Variants in DCC observed in about 807,000 individuals in gnomAD.
DCC encodes netrin receptor DCC.
In DCC, 58 loss-of-function variants were observed where a neutral mutation model predicts 172.5. The observed-to-expected ratio is 0.34, with a 90% CI of 0.27 to 0.42. DCC has a LOEUF of 0.42. Ranked by LOEUF, DCC falls within the 10% of genes least tolerant of loss-of-function variation. The pLI, the probability that DCC is intolerant of heterozygous loss-of-function variation, is 1.00. For synonymous variants in DCC, 709 were observed against 644.5 expected (o/e 1.10, Z -1.52); for missense variants, 1,740 against 1,791.0 (o/e 0.97, Z 0.51).
intron 1 of DCC, among the ~76,000 whole-genome samples, chr18:52,544,359 G>A (rs1195634855): frequency 6.6e-6 from 1 of 152,116 alleles, no homozygotes. Flanking sequence ...CACCAGCCAA[G>A]GAACAAGATG....
intron 8 of DCC, among the ~76,000 whole-genome samples, chr18:53,174,728 G>A (rs1286575006): frequency 1.2e-4 from 17 of 147,230 alleles, no homozygotes; most frequent in African/African-American, 4.0e-4. Flanking sequence ...TGGATTCACA[G>A]CCGAATTCTA....
intron 1 of DCC, among the ~76,000 whole-genome samples, chr18:52,540,853 G>T (rs938733657): frequency 2.0e-5 from 3 of 151,930 alleles, no homozygotes; most frequent in African/African-American, 7.3e-5. Context: ...TGATCCGCCC[G>T]CCTCGGCCTC....
At chr18:53,303,004 G>A (rs934967069) in intron 12 of DCC, among the ~76,000 whole-genome samples, 1 of 152,086 alleles carries the variant, frequency 6.6e-6, no homozygotes, top group Non-Finnish European at 1.5e-5. Context: ...AGAGTCTCAA[G>A]TATTCCAGTT....
chr18:53,155,891 G>T (rs2054724860), intron 7 of DCC, among the ~76,000 whole-genome samples: 1 of 152,198 alleles, frequency 6.6e-6, no homozygotes, highest in African/African-American at 2.4e-5. Context: ...GCCGGGTGTG[G>T]TGGTGTGTGC....
At chr18:52,946,829 G>A (rs1167041674) in intron 5 of DCC, among the ~76,000 whole-genome samples, 1 of 152,086 alleles carries the variant, frequency 6.6e-6, no homozygotes, top group East Asian at 1.9e-4. Context: ...CCAAAATTAG[G>A]GTAAGGCAGG....
chr18:53,024,757 G>A (rs575630010), intron 5 of DCC, among the ~76,000 whole-genome samples: 3 of 152,196 alleles, frequency 2.0e-5, no homozygotes, highest in African/African-American at 7.2e-5. Flanking sequence ...GTAAGTATTA[G>A]CAAATGTTAA....
chr18:52,863,466 G>A (rs900365265), intron 2 of DCC, among the ~76,000 whole-genome samples: 2 of 151,656 alleles, frequency 1.3e-5, no homozygotes, highest in African/African-American at 4.8e-5. Flanking sequence ...ATATTTACTA[G>A]CAGACCTACA....
intron 1 of DCC, among the ~76,000 whole-genome samples, chr18:52,423,464 G>A (rs1478685302): frequency 6.6e-6 from 1 of 151,880 alleles, no homozygotes; most frequent in Non-Finnish European, 1.5e-5. Flanking sequence ...TCAGCTCAAG[G>A]CCTCTTGACT....
chr18:53,475,533 T>C (rs2045751813), intron 25 of DCC, among the ~76,000 whole-genome samples: 2 of 152,208 alleles, frequency 1.3e-5, no homozygotes, highest in Admixed American at 6.5e-5. Context: ...TCAGAGGGTG[T>C]AACCCTCAAG....
intron 5 of DCC, among the ~76,000 whole-genome samples, chr18:52,969,408 G>A (rs72926178): frequency 0.036 from 5,433 of 152,122 alleles, 138 homozygotes; most frequent in African/African-American, 0.056. Context: ...CCTGGGTAAC[G>A]TCTCAGTGTC....
chr18:53,377,690 G>T (rs1907410062), intron 15 of DCC, among the ~76,000 whole-genome samples: 1 of 152,338 alleles, frequency 6.6e-6, no homozygotes, highest in East Asian at 1.9e-4. Context: ...AGAAATAAAT[G>T]AAGTAAGGGA....
At chr18:53,063,959 A>G (rs1252226738) in intron 6 of DCC, among the ~76,000 whole-genome samples, 1 of 152,140 alleles carries the variant, frequency 6.6e-6, no homozygotes, top group East Asian at 1.9e-4. Flanking sequence ...CCATTGAGAA[A>G]GGCAGTGGTG....
intron 1 of DCC, among the ~76,000 whole-genome samples, chr18:52,605,776 G>T (rs773121845): frequency 3.3e-5 from 5 of 152,030 alleles, no homozygotes; most frequent in South Asian, 2.1e-4. Context: ...TATTACCTGA[G>T]TAAGGGCATT....
intron 7 of DCC, among the ~76,000 whole-genome samples, chr18:53,127,569 GT>G (rs2043582985): frequency 6.6e-6 from 1 of 152,028 alleles, no homozygotes; most frequent in Non-Finnish European, 1.5e-5. Context: ...AGGATTTTTG[GT>G]TTTATAATTT....
chr18:53,369,874 G>A (rs998241493), intron 15 of DCC, among the ~76,000 whole-genome samples: 3 of 151,684 alleles, frequency 2.0e-5, no homozygotes, highest in South Asian at 2.1e-4. Context: ...ATTTTATTGT[G>A]GATTTTGGCA....
Position 53,478,679 on chromosome 18 carries a change from T to C in DCC, c.3737-8118T>C, listed in dbSNP as rs146623529. Among the ~76,000 whole-genome samples, 589 of 152,336 alleles carry C rather than the reference T, an allele frequency of 3.9e-3. 1 individual carries two copies. The highest frequency in any genetic ancestry group is 0.01 in the Middle Eastern group (3 of 294). ...TGCCATGGTAATGGCTACTGGTTTC[T>C]GGGCTTTCTAGAACATTCACTATGA... On this transcript the variant is annotated intron_variant, in intron 25 of 28. Coordinates refer to ENST00000442544, the MANE Select transcript of DCC (RefSeq NM_005215.4).
intron 7 of DCC, among the ~76,000 whole-genome samples, chr18:53,096,706 G>T (rs9947905): frequency 6.6e-6 from 1 of 151,896 alleles, no homozygotes; most frequent in Non-Finnish European, 1.5e-5. Context: ...ACTAGATACC[G>T]CTAGGGAGAG....
At chr18:52,397,764 A>G (rs1986285891) in intron 1 of DCC, among the ~76,000 whole-genome samples, 1 of 151,782 alleles carries the variant, frequency 6.6e-6, no homozygotes, top group African/African-American at 2.4e-5. Flanking sequence ...TGACTCTGTG[A>G]CTCTACCTTT....
intron 7 of DCC, among the ~76,000 whole-genome samples, chr18:53,078,441 C>T (rs1438107941): frequency 1.3e-5 from 2 of 152,050 alleles, no homozygotes; most frequent in African/African-American, 2.4e-5. Flanking sequence ...ACAGCCAGTG[C>T]CTGACATACT....
Sources: gnomAD v4.1 joint callset for allele counts (sites outside exome capture counted in the v4.1 genomes callset) on GRCh38, gnomAD v4.1.1 for gene constraint, MANE v1.5 for transcripts, NCBI Gene and HGNC (gene_info 2026-07-23, HGNC 2026-07-21) for gene names.